The following NBAS variants were observed in gnomAD, a reference collection of about 807,000 sequenced individuals.
The protein encoded by NBAS is NAG/BC035112 fusion.
A neutral mutation model predicts 302.5 loss-of-function variants in NBAS; 219 were observed. That is an observed-to-expected ratio of 0.72 (90% confidence interval 0.65 to 0.81). The LOEUF (loss-of-function observed/expected upper bound fraction) is 0.81. Ranked by LOEUF, NBAS falls within the 30% of genes least tolerant of loss-of-function variation. The pLI, the probability that NBAS is intolerant of heterozygous loss-of-function variation, is 0.00. For synonymous variants in NBAS, 1,118 were observed against 1,021.6 expected (o/e 1.09, Z -1.80); for missense variants, 2,932 against 2,841.6 (o/e 1.03, Z -0.72).
chr2:14,923,158 A>C, the NBAS span, among the ~76,000 whole-genome samples: 1 of 152,154 alleles, frequency 6.6e-6, no homozygotes, highest in South Asian at 2.1e-4. Flanking sequence ...TCTCAAAAAA[A>C]CAAAAAAAAG....
the NBAS span, among the ~76,000 whole-genome samples, chr2:15,152,479 C>G: frequency 6.6e-6 from 1 of 152,204 alleles, no homozygotes; most frequent in African/African-American, 2.4e-5. Flanking sequence ...ATTCTTGTAA[C>G]AAGTAGCTGA....
chr2:15,374,784 C>A, intron 30 of NBAS, 64 bp from the exon 31 acceptor site: 1 of 1,301,096 alleles, frequency 7.7e-7, no homozygotes, highest in Non-Finnish European at 1.1e-6. Context: ...ATACTCAACA[C>A]CATGAGATCT....
chr2:14,836,551 G>A, the NBAS span, among the ~76,000 whole-genome samples: 1 of 151,830 alleles, frequency 6.6e-6, no homozygotes, highest in Non-Finnish European at 1.5e-5. Context: ...CCGTGTGCGT[G>A]ACTTTTCCTG....
chr2:14,942,784 T>A, the NBAS span, among the ~76,000 whole-genome samples: 1 of 152,300 alleles, frequency 6.6e-6, no homozygotes, highest in Admixed American at 6.5e-5. Context: ...AAGCACATAG[T>A]AGAGGCTCAA....
chr2:15,382,648 G>A (rs7578126), intron 29 of NBAS, among the ~76,000 whole-genome samples: 90,430 of 152,008 alleles, frequency 0.59, 28,027 homozygotes, highest in Non-Finnish European at 0.68. Flanking sequence ...GCAACATAGG[G>A]TACATGGTGG....
chr2:15,233,463 A>T (rs1667464173), intron 46 of NBAS, among the ~76,000 whole-genome samples: 1 of 152,222 alleles, frequency 6.6e-6, no homozygotes, highest in East Asian at 1.9e-4. Context: ...TAATCAAAAC[A>T]CTAATTTTTC....
At chr2:15,337,099 T>C (rs973081038) in intron 35 of NBAS, among the ~76,000 whole-genome samples, 1 of 152,052 alleles carries the variant, frequency 6.6e-6, no homozygotes, top group Non-Finnish European at 1.5e-5. Flanking sequence ...TATGGCAAGA[T>C]CTCATCTCTA....
chr2:15,529,645 C>G (rs2148673037), intron 9 of NBAS, among the ~76,000 whole-genome samples: 1 of 152,250 alleles, frequency 6.6e-6, no homozygotes, highest in Middle Eastern at 3.4e-3. Context: ...AACTAGCAAT[C>G]AGAGTGCCAT....
chr2:14,918,220 T>G, the NBAS span, among the ~76,000 whole-genome samples: 130 of 151,506 alleles, frequency 8.6e-4, 2 homozygotes, highest in East Asian at 0.023. Flanking sequence ...AGTAAGAGAT[T>G]ATCAAGTACG....
chr2:15,139,160 C>T, the NBAS span, among the ~76,000 whole-genome samples: 1 of 152,164 alleles, frequency 6.6e-6, no homozygotes, highest in Non-Finnish European at 1.5e-5. Flanking sequence ...ACAATGACCC[C>T]AAGTGTGCAT....
intron 51 of NBAS, among the ~76,000 whole-genome samples, chr2:15,169,328 A>G (rs1012892552): frequency 2.0e-5 from 3 of 152,224 alleles, no homozygotes; most frequent in African/African-American, 7.2e-5. Flanking sequence ...GGTTCAATGG[A>G]CTTGCTTTTG....
Position 15,427,779 on chromosome 2 carries a change from G to A in NBAS, c.2355C>T (p.Ser785=), listed in dbSNP as rs377349348. ...LLPEACFNGD[S]LMIIPWHEHK... is the part of the protein sequence containing the mutation. ...GTTCATGCCAAGGAATGATCATCAG[G>A]GAGTCACCGTTAAAACTCAAATTTA... The change falls in exon 22 of 52, where the codon TCC becomes TCT. Residue 785 remains serine (S), a synonymous_variant. Coordinates refer to ENST00000281513, the MANE Select transcript of NBAS (RefSeq NM_015909.4). 3.1e-6 allele frequency: 5 copies of A among 1,612,762 alleles called. No individual in the cohort carries two copies. The highest frequency in any genetic ancestry group is 1.1e-5 in the South Asian group (1 of 90,802).
At chr2:15,101,570 A>G in the NBAS span, among the ~76,000 whole-genome samples, 23 of 152,144 alleles carry the variant, frequency 1.5e-4, no homozygotes, top group Non-Finnish European at 2.6e-4. Context: ...ATCTCCTCTG[A>G]CTTTGAGTTG....
intron 49 of NBAS, among the ~76,000 whole-genome samples, chr2:15,188,586 T>C (rs1486166521): frequency 6.6e-6 from 1 of 152,228 alleles, no homozygotes; most frequent in Non-Finnish European, 1.5e-5. Flanking sequence ...AATGATTTAA[T>C]AAAGCAGTTT....
intron 47 of NBAS, among the ~76,000 whole-genome samples, chr2:15,229,356 A>AAC (rs1667282501): frequency 7.0e-6 from 1 of 142,660 alleles, no homozygotes. Flanking sequence ...ACAAAAAAAA[A>AAC]AAAAAAAAAA....
intron 30 of NBAS, among the ~76,000 whole-genome samples, chr2:15,377,747 G>A (rs1674816947): frequency 6.6e-6 from 1 of 152,180 alleles, no homozygotes; most frequent in African/African-American, 2.4e-5. Context: ...ATGCTGTAAA[G>A]CATATGAAAA....
the NBAS span, among the ~76,000 whole-genome samples, chr2:15,155,885 T>C: frequency 6.6e-6 from 1 of 152,196 alleles, no homozygotes; most frequent in Non-Finnish European, 1.5e-5. Flanking sequence ...AAGAAATCAA[T>C]AACAACTCAT....
intron 50 of NBAS, among the ~76,000 whole-genome samples, chr2:15,181,610 G>A: frequency 6.6e-6 from 1 of 152,234 alleles, no homozygotes; most frequent in East Asian, 1.9e-4. Flanking sequence ...GTCAGACCAT[G>A]AGGACAGAAC....
chr2:15,073,325 A>T, the NBAS span, among the ~76,000 whole-genome samples: 1 of 151,940 alleles, frequency 6.6e-6, no homozygotes, highest in Non-Finnish European at 1.5e-5. Context: ...CTAAAAATAC[A>T]AAAATTAGCT....
Sources: allele counts gnomAD v4.1 joint callset (sites outside exome capture counted in the v4.1 genomes callset), GRCh38; gene constraint gnomAD v4.1.1; transcripts MANE v1.5; gene names NCBI Gene and HGNC (gene_info 2026-07-23, HGNC 2026-07-21).